The following MTUS2 variants were observed in gnomAD, a reference collection of about 807,000 sequenced individuals.
MTUS2 encodes microtubule-associated tumor suppressor candidate 2.
Under a neutral mutation model 114.1 loss-of-function variants are expected in MTUS2, and 40 were observed. The observed-to-expected ratio is 0.35, with a 90% CI of 0.27 to 0.46. The LOEUF (loss-of-function observed/expected upper bound fraction) is 0.46, where lower values mean the gene tolerates loss of function less well. Among genes scored for constraint, MTUS2 ranks in the 20% least tolerant of loss-of-function variants. The probability of loss-of-function intolerance (pLI) is 1.00; values close to 1 mark genes in which losing one functional copy is unlikely to be tolerated. For synonymous variants in MTUS2, 688 were observed against 672.0 expected, an observed-to-expected ratio of 1.02 and a Z score of -0.37; for missense variants, 1,679 against 1,705.4, an observed-to-expected ratio of 0.98 and a Z score of 0.27.
chr13:29,220,062 C>A (rs949355085), intron 5 of MTUS2, among the ~76,000 whole-genome samples: 1 of 151,498 alleles, frequency 6.6e-6, no homozygotes, highest in Non-Finnish European at 1.5e-5. Flanking sequence ...ATGGCACAAT[C>A]TCTGCTCACT....
At chr13:29,295,931 G>A (rs189213282) in intron 6 of MTUS2, among the ~76,000 whole-genome samples, 43 of 152,156 alleles carry the variant, frequency 2.8e-4, no homozygotes, top group South Asian at 2.1e-4. Flanking sequence ...ACCTCCCACC[G>A]GGTCCCTCCC....
At chr13:29,195,774 G>A (rs907145110) in intron 5 of MTUS2, among the ~76,000 whole-genome samples, 1 of 152,138 alleles carries the variant, frequency 6.6e-6, no homozygotes, top group African/African-American at 2.4e-5. Flanking sequence ...AATCTCAGCA[G>A]TAACACAGAA....
intron 2 of MTUS2, among the ~76,000 whole-genome samples, chr13:28,895,194 C>T (rs1024064611): frequency 1.3e-5 from 2 of 152,122 alleles, no homozygotes; most frequent in South Asian, 2.1e-4. Context: ...CTCCCAGATC[C>T]GAAATACAGT....
At chr13:28,865,824 C>A (rs1400394632) in intron 2 of MTUS2, among the ~76,000 whole-genome samples, 2 of 152,176 alleles carry the variant, frequency 1.3e-5, no homozygotes, top group African/African-American at 4.8e-5. Flanking sequence ...ACACTAGAGT[C>A]TCTTGCAGGC....
intron 2 of MTUS2, among the ~76,000 whole-genome samples, chr13:28,941,681 G>A (rs1347673432): frequency 2.6e-5 from 4 of 152,058 alleles, no homozygotes; most frequent in Non-Finnish European, 4.4e-5. Context: ...AGAAAAGGAG[G>A]ACTATTTTAA....
intron 9 of MTUS2, among the ~76,000 whole-genome samples, chr13:29,473,816 A>G (rs1880494971): frequency 6.6e-6 from 1 of 152,192 alleles, no homozygotes; most frequent in Admixed American, 6.5e-5. Flanking sequence ...GGTTTATGAT[A>G]GTGGTGTCTG....
chr13:29,449,701 A>G (rs915681137), intron 9 of MTUS2, among the ~76,000 whole-genome samples: 12 of 152,178 alleles, frequency 7.9e-5, no homozygotes, highest in African/African-American at 2.2e-4. Flanking sequence ...GTAAATTAAA[A>G]TATCAGATAA....
At chr13:29,122,181 A>G (rs535781683) in intron 5 of MTUS2, among the ~76,000 whole-genome samples, 1 of 152,216 alleles carries the variant, frequency 6.6e-6, no homozygotes, top group South Asian at 2.1e-4. Flanking sequence ...AAGCAGTTGA[A>G]GCTTTGAGGA....
At chr13:29,060,980 T>C (rs1385067852) in intron 4 of MTUS2, among the ~76,000 whole-genome samples, 1 of 152,098 alleles carries the variant, frequency 6.6e-6, no homozygotes, top group Non-Finnish European at 1.5e-5. Flanking sequence ...TTTGTATTTT[T>C]AGTAGAGACA....
intron 11 of MTUS2, 71 bp downstream of exon 11, chr13:29,488,076 G>A (rs999616775): frequency 1.1e-5 from 13 of 1,174,810 alleles, no homozygotes; most frequent in Non-Finnish European, 1.5e-5. Flanking sequence ...CTGCAGATGT[G>A]TGGAGCCCCC....
chr13:29,091,239 T>C (rs563014907), intron 4 of MTUS2, among the ~76,000 whole-genome samples: 3 of 152,186 alleles, frequency 2.0e-5, no homozygotes, highest in Non-Finnish European at 4.4e-5. Context: ...CCTGCCCCTT[T>C]CTCTTTTGTT....
chr13:29,073,441 C>G (rs1466703636), intron 4 of MTUS2, among the ~76,000 whole-genome samples: 1 of 152,026 alleles, frequency 6.6e-6, no homozygotes, highest in East Asian at 1.9e-4. Flanking sequence ...TTAAATAATG[C>G]CAGGGAACCA....
chr13:29,304,044 A>G (rs567737209), intron 6 of MTUS2, among the ~76,000 whole-genome samples: 2 of 152,298 alleles, frequency 1.3e-5, no homozygotes, highest in Admixed American at 1.3e-4. Context: ...ACTAAGTTTC[A>G]TAAGTGAAGG....
At chr13:29,254,620 T>C (rs1450803580) in intron 5 of MTUS2, among the ~76,000 whole-genome samples, 1 of 152,222 alleles carries the variant, frequency 6.6e-6, no homozygotes, top group Non-Finnish European at 1.5e-5. Context: ...TCTGAAAACA[T>C]ACCATTAACG....
At chr13:29,281,667 A>C (rs1224408888) in intron 5 of MTUS2, 37 bp from the exon 6 acceptor site, 2 of 1,549,474 alleles carry the variant, frequency 1.3e-6, no homozygotes, top group Non-Finnish European at 8.8e-7. Context: ...TCCATTTTTC[A>C]TGAAGTTATA....
chr13:29,099,005 T>C lies in MTUS2; in HGVS notation c.2447-1768T>C, dbSNP rs559204693. On this transcript the variant is annotated intron_variant, in intron 4 of 15. Coordinates refer to ENST00000612955, the MANE Select transcript of MTUS2 (RefSeq NM_001033602.4). ...GAAATTACATCTGATGTTTAGCAAC[T>C]CTTTTCCTGTTCTACAGACATCGTC... Among the ~76,000 whole-genome samples, 6 of 152,366 alleles carry C rather than the reference T, an allele frequency of 3.9e-5. No homozygotes were observed. In the East Asian group the frequency reaches 9.6e-4, roughly 24 times the overall value.
chr13:29,281,405 G>A (rs2139539991), intron 5 of MTUS2, among the ~76,000 whole-genome samples: 1 of 142,990 alleles, frequency 7.0e-6, no homozygotes, highest in African/African-American at 2.6e-5. Context: ...GTGTGTGCAT[G>A]TATGTATGTA....
At chr13:28,898,009 C>T (rs1879389861) in intron 2 of MTUS2, among the ~76,000 whole-genome samples, 1 of 151,914 alleles carries the variant, frequency 6.6e-6, no homozygotes, top group East Asian at 1.9e-4. Context: ...ATGTGACTAA[C>T]CTGCACATTG....
intron 5 of MTUS2, among the ~76,000 whole-genome samples, chr13:29,206,224 C>T (rs1211424455): frequency 6.6e-6 from 1 of 152,100 alleles, no homozygotes; most frequent in Non-Finnish European, 1.5e-5. Context: ...TGAGAATTGT[C>T]TATTCATGTC....
Sources: allele counts gnomAD v4.1 joint callset (sites outside exome capture counted in the v4.1 genomes callset), GRCh38; gene constraint gnomAD v4.1.1; transcripts MANE v1.5; gene names NCBI Gene and HGNC (gene_info 2026-07-23, HGNC 2026-07-21).